The following LNPEP variants were observed in gnomAD, a reference collection of about 807,000 sequenced individuals.
The protein encoded by LNPEP is leucyl and cystinyl aminopeptidase.
In LNPEP, 64 loss-of-function variants were observed where a neutral mutation model predicts 120.6. The ratio of observed to expected loss-of-function variants is 0.53; its 90% CI spans 0.43 to 0.65. LNPEP has a LOEUF of 0.65. Among genes scored for constraint, LNPEP ranks in the 30% least tolerant of loss-of-function variants. LNPEP has a pLI of 0.00. For missense variants in LNPEP, 1,057 were observed against 1,200.0 expected (o/e 0.88, Z 1.76); for synonymous variants, 435 against 425.4 (o/e 1.02, Z -0.28).
At chr5:97,000,162 T>C (rs545530457) in intron 8 of LNPEP, among the ~76,000 whole-genome samples, 1 of 152,134 alleles carries the variant, frequency 6.6e-6, no homozygotes, top group Non-Finnish European at 1.5e-5. Flanking sequence ...AATATGAAAA[T>C]AAAGCATGAT....
At chr5:97,008,337 G>GTTTTTTTTTTTTTTTTTTTTTTTTGT (rs1790838858) in intron 11 of LNPEP, among the ~76,000 whole-genome samples, 1 of 59,824 alleles carries the variant, frequency 1.7e-5, no homozygotes, top group African/African-American at 7.5e-5. Flanking sequence ...GTTTTTTCTT[G>GTTTTTTTTTTTTTTTTTTTTTTTTGT]TTTTTTTTTT....
chr5:96,975,412 G>T (rs1789968329), intron 1 of LNPEP, among the ~76,000 whole-genome samples: 1 of 152,142 alleles, frequency 6.6e-6, no homozygotes. Flanking sequence ...CTCCTACCCT[G>T]CAGGTCCATC....
At position 96,996,514 on chromosome 5, in the gene LNPEP, G is replaced by T; in HGVS notation, c.1521+11G>T. 7.3e-7 allele frequency: 1 copy of T among 1,361,942 alleles called. No homozygotes were observed. The highest frequency in any genetic ancestry group is 1.2e-5 in the South Asian group (1 of 85,056). 84.4% of individuals were successfully genotyped at this position (1,361,942 alleles called of 1,614,324 possible). ...AAAGAGCTTTCTAGTGTAAGTACAG[G>T]GTTTCTTTGGCCTACTATGAATGCT... On this transcript the variant is annotated intron_variant, in intron 7 of 17. Transcript: ENST00000231368.
At chr5:96,987,744 G>A (rs1429571670) in intron 4 of LNPEP, among the ~76,000 whole-genome samples, 3 of 152,116 alleles carry the variant, frequency 2.0e-5, no homozygotes, top group Admixed American at 2.0e-4. Flanking sequence ...ACTCACCTTT[G>A]GATTGAAAGA....
At chr5:97,008,355 T>C (rs1469891151) in intron 11 of LNPEP, among the ~76,000 whole-genome samples, 1 of 124,022 alleles carries the variant, frequency 8.1e-6, no homozygotes, top group Non-Finnish European at 1.7e-5. Flanking sequence ...TTTTTTTTTT[T>C]TTTTTTTTTT....
chr5:96,955,646 A>G (rs1418857480), intron 1 of LNPEP, among the ~76,000 whole-genome samples: 1 of 152,214 alleles, frequency 6.6e-6, no homozygotes, highest in East Asian at 1.9e-4. Flanking sequence ...AAATTGGTGA[A>G]TAGTATTCCA....
chr5:96,967,653 A>G (rs1021838966), intron 1 of LNPEP, among the ~76,000 whole-genome samples: 3 of 152,132 alleles, frequency 2.0e-5, no homozygotes, highest in African/African-American at 7.2e-5. Context: ...AGCAGGTATT[A>G]GAAGGACCTT....
At position 96,980,069 on chromosome 5, in the gene LNPEP, A is replaced by G; in HGVS notation, c.860+91A>G. ...GTCCACACCAGAGACACGAATTGTG[A>G]TTTTTTTTTTTAATTTAGGAAGTTA... On this transcript the variant is annotated intron_variant, in intron 2 of 17. Coordinates refer to ENST00000231368, the MANE Select transcript of LNPEP (RefSeq NM_005575.3). The G allele has an allele frequency of 4.7e-6, 5 of 1,073,278 alleles. No individual in the cohort carries two copies. The East Asian group carries it at 1.5e-4, about 32-fold the overall frequency. The allele number at this position is 1,073,278 out of a possible 1,614,324, so 66.5% of individuals were successfully genotyped here.
In LNPEP at chr5:96,966,508, TTGTGTGTGTGTG is replaced by T. The variant is rs375861296; in HGVS notation, c.20-12596_20-12585del. Among the ~76,000 whole-genome samples the T allele has an allele frequency of 2.9e-3, 393 of 133,454 alleles. 5 individuals are homozygous for T. The highest frequency in any genetic ancestry group is 0.024 in the Admixed American group (320 of 13,250). 87.6% of individuals were successfully genotyped at this position (133,454 alleles called of 152,430 possible). A position where few individuals can be genotyped will look rare whatever the true frequency, so the allele number is the denominator to read the frequency against. On this transcript the variant is annotated intron_variant, in intron 1 of 17. Transcript: ENST00000231368. ...GAGTGAGACTCTGTCTTACATATAT[TTGTGTGTGTGTG>T]TGTGTGTGTGTGTGTGTGTGTGTGT...
At position 97,037,212 on chromosome 5, in the gene LNPEP, T is replaced by C. The variant is rs1377303803; in HGVS notation, c.*8679T>C. On this transcript the variant is annotated 3_prime_UTR_variant, in exon 18 of 18. Coordinates refer to ENST00000231368, the MANE Select transcript of LNPEP (RefSeq NM_005575.3). ...TGGAAAGTAGTTACTTGGAAACTTGTAAAGGTATTACATTTTTATATTTAA... is the reference window on the plus strand; with the variant it reads ...TGGAAAGTAGTTACTTGGAAACTTGCAAAGGTATTACATTTTTATATTTAA... The C allele has an allele frequency of 3.3e-5, 5 of 152,192 alleles. No homozygotes were observed. Among genetic ancestry groups the C allele is most frequent in the Non-Finnish European group, 7.3e-5 (5 of 68,032 alleles). The allele number at this position is 152,192 out of a possible 1,614,324, so 9.4% of individuals were successfully genotyped here. A position where few individuals can be genotyped will look rare whatever the true frequency, so the allele number is the denominator to read the frequency against.
At chr5:96,962,620 T>C (rs1380657390) in intron 1 of LNPEP, 1 of 149,794 alleles carries the variant, frequency 6.7e-6, no homozygotes, top group Non-Finnish European at 1.5e-5. Flanking sequence ...AGATACCCTT[T>C]TTTCTTTTTC....
chr5:96,959,306 A>G (rs1043426631), intron 1 of LNPEP, among the ~76,000 whole-genome samples: 3 of 152,202 alleles, frequency 2.0e-5, no homozygotes, highest in Non-Finnish European at 4.4e-5. Context: ...TGGCTGCTGT[A>G]TGTAGAAGTA....
chr5:96,958,554 T>C (rs2112577048), intron 1 of LNPEP: 1 of 911,122 alleles, frequency 1.1e-6, no homozygotes. Flanking sequence ...CATAACAAAT[T>C]ACCACAAACT....
intron 2 of LNPEP, among the ~76,000 whole-genome samples, chr5:96,983,472 A>G (rs1561440678): frequency 6.6e-6 from 1 of 151,800 alleles, no homozygotes. Context: ...TTGAGACAGC[A>G]TCTTGCTCTG....
At chr5:96,936,399 G>GCCA in intron 1 of LNPEP, 1 of 411,412 alleles carries the variant, frequency 2.4e-6, no homozygotes, top group Non-Finnish European at 4.3e-6. Flanking sequence ...CAGCGCCGCC[G>GCCA]CCGCTCGCCC....
chr5:97,003,129 CAT>C (rs1226355350), intron 8 of LNPEP, among the ~76,000 whole-genome samples: 1 of 152,160 alleles, frequency 6.6e-6, no homozygotes, highest in Non-Finnish European at 1.5e-5. Context: ...TCAACACTAA[CAT>C]TGAAACAGTG....
At position 96,986,601 on chromosome 5, in the gene LNPEP, G is replaced by A. The variant is rs1561441932; in HGVS notation, c.1062G>A (p.Met354Ile). The change falls in exon 4 of 18, where the codon ATG becomes ATA. Residue 354 changes from methionine to isoleucine, a missense_variant. Coordinates refer to ENST00000231368, the MANE Select transcript of LNPEP (RefSeq NM_005575.3). ...VQDEFSESVK[M>I]STYLVAFIVG... ...ATGAGTTTTCTGAGAGTGTGAAGATGAGCACTTACTTGGTTGCTTTCATTG... is the reference window on the plus strand; with the variant it reads ...ATGAGTTTTCTGAGAGTGTGAAGATAAGCACTTACTTGGTTGCTTTCATTG... The A allele has an allele frequency of 6.2e-7, 1 of 1,613,654 alleles. No individual in the cohort carries two copies. The highest frequency in any genetic ancestry group is 8.5e-7 in the Non-Finnish European group (1 of 1,179,660).
intron 1 of LNPEP, among the ~76,000 whole-genome samples, chr5:96,943,886 C>T (rs971710351): frequency 1.3e-5 from 2 of 152,218 alleles, no homozygotes; most frequent in East Asian, 1.9e-4. Context: ...TGAACCAGAA[C>T]TTGAATCAGT....
chr5:96,998,318 G>T (rs561180057), intron 8 of LNPEP, among the ~76,000 whole-genome samples, 173 bp downstream of exon 8: 1 of 151,994 alleles, frequency 6.6e-6, no homozygotes, highest in Non-Finnish European at 1.5e-5. Flanking sequence ...TTTTTTGTGG[G>T]TTTTTTTCTT....
Sources: gnomAD v4.1 joint callset for allele counts (sites outside exome capture counted in the v4.1 genomes callset) on GRCh38, gnomAD v4.1.1 for gene constraint, MANE v1.5 for transcripts, NCBI Gene and HGNC (gene_info 2026-07-23, HGNC 2026-07-21) for gene names.